The following ATOSA variants were observed in gnomAD, a reference collection of about 807,000 sequenced individuals.
ATOSA encodes atos homolog A.
chr15:52,649,553 A>G, the ATOSA span: 13 of 152,318 alleles, frequency 8.5e-5, no homozygotes, highest in African/African-American at 3.1e-4. Flanking sequence ...TGCATCTAGT[A>G]AATACTAGCA....
At chr15:52,656,012 CAT>C in the ATOSA span, 2 of 152,010 alleles carry the variant, frequency 1.3e-5, no homozygotes, top group African/African-American at 2.4e-5. Context: ...TGTCTGCATA[CAT>C]ACACACACAC....
chr15:52,660,703 G>C, the ATOSA span, among the ~76,000 whole-genome samples: 1 of 152,138 alleles, frequency 6.6e-6, no homozygotes, highest in Non-Finnish European at 1.5e-5. Context: ...CTAGGCTGGA[G>C]TGCAATGGCT....
At chr15:52,665,175 G>A in the ATOSA span, among the ~76,000 whole-genome samples, 2 of 152,196 alleles carry the variant, frequency 1.3e-5, no homozygotes, top group East Asian at 3.9e-4. Flanking sequence ...CCACCTGGGT[G>A]ATGGGATCAT....
At chr15:52,636,099 T>C in the ATOSA span, among the ~76,000 whole-genome samples, 7 of 132,730 alleles carry the variant, frequency 5.3e-5, no homozygotes, top group African/African-American at 1.9e-4. Context: ...TAAAATTAAA[T>C]ATTAAATTAA....
At chr15:52,709,162 C>G in the ATOSA span, among the ~76,000 whole-genome samples, 4 of 152,134 alleles carry the variant, frequency 2.6e-5, no homozygotes, top group Admixed American at 6.5e-5. Context: ...AGTTTTGCCC[C>G]CTCTTTATTA....
At chr15:52,661,178 T>C in the ATOSA span, among the ~76,000 whole-genome samples, 3 of 152,350 alleles carry the variant, frequency 2.0e-5, no homozygotes, top group African/African-American at 7.2e-5. Context: ...AGCTTCCTAG[T>C]TTCAAGGATG....
chr15:52,640,111 G>A, the ATOSA span, among the ~76,000 whole-genome samples: 1 of 152,058 alleles, frequency 6.6e-6, no homozygotes, highest in Non-Finnish European at 1.5e-5. Context: ...TACAGTAAAA[G>A]TTAAGATACT....
chr15:52,611,672 C>G, the ATOSA span: 2 of 1,614,018 alleles, frequency 1.2e-6, no homozygotes, highest in South Asian at 1.1e-5. Context: ...GTGGGCCCAT[C>G]ATCGCTGTAG....
At chr15:52,638,119 G>T in the ATOSA span, among the ~76,000 whole-genome samples, 1 of 152,164 alleles carries the variant, frequency 6.6e-6, no homozygotes. Context: ...AACAGGTTGA[G>T]AAGGTTTACA....
chr15:52,593,635 A>C, the ATOSA span: 1 of 1,569,256 alleles, frequency 6.4e-7, no homozygotes, highest in Non-Finnish European at 8.6e-7. Flanking sequence ...CTTCAACTGG[A>C]AGAGTCAAAT....
chr15:52,593,383 A>G, the ATOSA span: 46 of 540,840 alleles, frequency 8.5e-5, no homozygotes, highest in South Asian at 3.3e-4. Context: ...TTTTAGTACC[A>G]TCCTTAAATG....
At chr15:52,677,417 T>C in the ATOSA span, among the ~76,000 whole-genome samples, 28 of 152,334 alleles carry the variant, frequency 1.8e-4, no homozygotes, top group Admixed American at 9.2e-4. Context: ...ATTATTCTTA[T>C]AAATCCTGAA....
At chr15:52,690,385 A>T in the ATOSA span, among the ~76,000 whole-genome samples, 1 of 152,218 alleles carries the variant, frequency 6.6e-6, no homozygotes, top group Admixed American at 6.5e-5. Context: ...TGTCAGAAGC[A>T]TGTGATCTAC....
At chr15:52,697,969 T>TTTTTTTTTTTTTTTTTG in the ATOSA span, among the ~76,000 whole-genome samples, 1 of 106,000 alleles carries the variant, frequency 9.4e-6, no homozygotes, top group Non-Finnish European at 1.9e-5. Context: ...TTTTTTTTTT[T>TTTTTTTTTTTTTTTTTG]TTTTTTTTTT....
chr15:52,631,308 A>G, the ATOSA span, among the ~76,000 whole-genome samples: 1 of 152,172 alleles, frequency 6.6e-6, no homozygotes, highest in African/African-American at 2.4e-5. Context: ...TTAGTGAAAA[A>G]TAAGCACTGT....
At chr15:52,595,417 AC>A in the ATOSA span, among the ~76,000 whole-genome samples, 1 of 152,210 alleles carries the variant, frequency 6.6e-6, no homozygotes, top group Non-Finnish European at 1.5e-5. Context: ...AGAGGTACAT[AC>A]AAAAATGTTT....
chr15:52,654,871 G>C, the ATOSA span, among the ~76,000 whole-genome samples: 24 of 151,908 alleles, frequency 1.6e-4, no homozygotes, highest in Non-Finnish European at 3.1e-4. Flanking sequence ...TAGAAAAAAA[G>C]AACCCCTCAA....
chr15:52,585,147 C>T, the ATOSA span: 2 of 450,560 alleles, frequency 4.4e-6, no homozygotes, highest in South Asian at 3.3e-5. Flanking sequence ...TTTTGTTTTA[C>T]AATAATATAA....
the ATOSA span, among the ~76,000 whole-genome samples, chr15:52,702,049 A>G: frequency 2.6e-5 from 4 of 152,196 alleles, no homozygotes; most frequent in African/African-American, 4.8e-5. Flanking sequence ...GCAAGTCAAA[A>G]TCACAAGATT....
Sources: allele counts gnomAD v4.1 joint callset (sites outside exome capture counted in the v4.1 genomes callset), GRCh38; gene constraint gnomAD v4.1.1; transcripts MANE v1.5; gene names NCBI Gene and HGNC (gene_info 2026-07-23, HGNC 2026-07-21).